The following PPHLN1 variants were observed in gnomAD, a reference collection of about 807,000 sequenced individuals.
The protein encoded by PPHLN1 is periphilin 1, also known as periphilin-1.
A neutral mutation model predicts 51.3 loss-of-function variants in PPHLN1; 29 were observed. The observed-to-expected ratio is 0.57, with a 90% confidence interval of 0.42 to 0.77. The LOEUF is 0.77. Ranked by LOEUF, PPHLN1 falls within the 30% of genes least tolerant of loss-of-function variation. The pLI, the probability that PPHLN1 is intolerant of heterozygous loss-of-function variation, is 0.00. For missense variants in PPHLN1, 436 were observed against 438.4 expected (o/e 0.99, Z 0.05); for synonymous variants, 147 against 147.8 (o/e 0.99, Z 0.04).
chr12:42,433,003 AT>A (rs1442818695), intron 9 of PPHLN1: 5 of 1,329,276 alleles, frequency 3.8e-6, no homozygotes, highest in Non-Finnish European at 5.4e-6. Flanking sequence ...GTGCATTTTC[AT>A]TAGCACACGC....
chr12:42,348,514 C>G (rs1426237234), intron 2 of PPHLN1, among the ~76,000 whole-genome samples: 3 of 152,110 alleles, frequency 2.0e-5, no homozygotes, highest in Non-Finnish European at 2.9e-5. Context: ...AATTTTACTT[C>G]TGCCAAAGTT....
At chr12:42,332,674 C>T (rs765717981) in intron 1 of PPHLN1, 21 of 1,578,112 alleles carry the variant, frequency 1.3e-5, no homozygotes, top group Admixed American at 5.0e-5. Flanking sequence ...TTGTTGAAAA[C>T]GTTAAATTTG....
chr12:42,399,479 A>G (rs2078589356), intron 9 of PPHLN1: 1 of 897,310 alleles, frequency 1.1e-6, no homozygotes, highest in East Asian at 1.2e-4. Flanking sequence ...ATGTGCAACT[A>G]TTATGGGGTT....
chr12:42,348,393 A>T (rs2072704490), intron 2 of PPHLN1, among the ~76,000 whole-genome samples: 1 of 150,638 alleles, frequency 6.6e-6, no homozygotes, highest in Non-Finnish European at 1.5e-5. Context: ...AAGTGCTAGG[A>T]TTACAGGCAT....
chr12:42,393,504 C>G, intron 7 of PPHLN1, 66 bp from the exon 8 acceptor site: 1 of 1,437,558 alleles, frequency 7.0e-7, no homozygotes, highest in East Asian at 2.4e-5. Flanking sequence ...GTGGAGTGTA[C>G]TTCTTGGTGT....
At chr12:42,326,656 G>A (rs555124703) in intron 1 of PPHLN1, among the ~76,000 whole-genome samples, 7 of 152,260 alleles carry the variant, frequency 4.6e-5, no homozygotes, top group African/African-American at 1.4e-4. Context: ...CTTGGGGAGA[G>A]TTGGATTCAC....
chr12:42,416,454 C>A (rs1454894780), intron 9 of PPHLN1, among the ~76,000 whole-genome samples: 1 of 152,154 alleles, frequency 6.6e-6, no homozygotes. Context: ...CAGTGTCCAA[C>A]AATACTGCCC....
chr12:42,419,278 GT>G (rs1166130094), intron 9 of PPHLN1, among the ~76,000 whole-genome samples: 1 of 152,068 alleles, frequency 6.6e-6, no homozygotes, highest in Non-Finnish European at 1.5e-5. Flanking sequence ...GTCTCACTCT[GT>G]TGCCCAGGCT....
chr12:42,384,689 G>A (rs976276915), intron 5 of PPHLN1, among the ~76,000 whole-genome samples: 5 of 152,098 alleles, frequency 3.3e-5, no homozygotes, highest in Non-Finnish European at 7.4e-5. Context: ...TGTTATCCTT[G>A]ACTGGTCTTA....
At chr12:42,341,275 G>A (rs1274614827) in intron 2 of PPHLN1, among the ~76,000 whole-genome samples, 1 of 151,828 alleles carries the variant, frequency 6.6e-6, no homozygotes, top group Non-Finnish European at 1.5e-5. Context: ...CATCGTGCCC[G>A]GCTTCTCCGT....
At position 42,356,481 on chromosome 12, in the gene PPHLN1, T is replaced by C. The variant is rs1882665; in HGVS notation, c.299+1259T>C. ...GGAGTGACCTGCCATAGTAGTCACA[T>C]TGTGGTCACCTTAACCTATTTAATT... On this transcript the variant is annotated intron_variant, in intron 4 of 9. Coordinates refer to ENST00000358314, the MANE Select transcript of PPHLN1 (RefSeq NM_201439.2). Among the ~76,000 whole-genome samples the C allele has an allele frequency of 8.0e-3, 1,214 of 152,296 alleles. 12 individuals carry two copies. Among genetic ancestry groups the C allele is most frequent in the African/African-American group, 0.025 (1,040 of 41,556 alleles).
At chr12:42,367,606 G>A (rs146627524) in intron 4 of PPHLN1, among the ~76,000 whole-genome samples, 1 of 152,170 alleles carries the variant, frequency 6.6e-6, no homozygotes, top group South Asian at 2.1e-4. Flanking sequence ...TTAATATTTA[G>A]TGAGGTGATA....
At chr12:42,398,061 A>G (rs1386268868) in intron 8 of PPHLN1, among the ~76,000 whole-genome samples, 4 of 151,328 alleles carry the variant, frequency 2.6e-5, no homozygotes, top group East Asian at 3.9e-4. Flanking sequence ...CTTCTTTGCT[A>G]CTTCTTCTAA....
downstream of PPHLN1, chr12:42,446,053 A>T (rs1300008827): frequency 1.5e-5 from 23 of 1,507,974 alleles, 1 homozygote; most frequent in South Asian, 2.8e-4. Context: ...AAATGAAGGA[A>T]ACGACCCTGC....
intron 9 of PPHLN1, among the ~76,000 whole-genome samples, chr12:42,416,710 G>A (rs2080419708): frequency 1.3e-5 from 2 of 152,194 alleles, no homozygotes; most frequent in Non-Finnish European, 2.9e-5. Context: ...TAACCACTCA[G>A]AGTTAGTACA....
intron 1 of PPHLN1, among the ~76,000 whole-genome samples, chr12:42,335,660 C>G (rs922735287): frequency 4.0e-5 from 6 of 148,778 alleles, no homozygotes; most frequent in Admixed American, 4.0e-4. Flanking sequence ...AATAGTCTTG[C>G]CTAAGAAGGA....
At chr12:42,372,581 C>T (rs766578465) in intron 4 of PPHLN1, among the ~76,000 whole-genome samples, 3 of 152,174 alleles carry the variant, frequency 2.0e-5, no homozygotes, top group Non-Finnish European at 4.4e-5. Context: ...TTTCTCTGTT[C>T]TCCCATTCTT....
chr12:42,440,793 A>T (rs1382863028), intron 9 of PPHLN1, among the ~76,000 whole-genome samples: 3 of 152,166 alleles, frequency 2.0e-5, no homozygotes, highest in Non-Finnish European at 4.4e-5. Context: ...TGGCCAGGCT[A>T]ATCTGGAACT....
rs1043418614 is a variant in PPHLN1 at position 42,438,428 on chromosome 12, G to A, written c.910-2887G>A. On this transcript the variant is annotated intron_variant, in intron 9 of 9. Transcript: ENST00000358314. ...GGATTTTAAGCATTCTAATAGATGT[G>A]TAGTGGTATCTCACTACTCATCATC... 2.0e-5 allele frequency among the ~76,000 whole-genome samples: 3 copies of A among 152,244 alleles called. No individual in the cohort carries two copies. The East Asian group carries it at 5.8e-4, about 29-fold the overall frequency.
Sources: allele counts gnomAD v4.1 joint callset (sites outside exome capture counted in the v4.1 genomes callset), GRCh38; gene constraint gnomAD v4.1.1; transcripts MANE v1.5; gene names NCBI Gene and HGNC (gene_info 2026-07-23, HGNC 2026-07-21).